Variants in IKZF1 observed in about 807,000 individuals in gnomAD.
IKZF1 encodes DNA-binding protein Ikaros.
A neutral mutation model predicts 51.7 loss-of-function variants in IKZF1; 10 were observed. The ratio of observed to expected loss-of-function variants is 0.19; its 90% CI spans 0.12 to 0.33. The LOEUF (loss-of-function observed/expected upper bound fraction) is 0.33. IKZF1 is among the 10% of genes least tolerant of loss of function. The pLI, the probability that IKZF1 is intolerant of heterozygous loss-of-function variation, is 1.00. For missense variants in IKZF1, 484 were observed against 707.5 expected (o/e 0.68, Z 3.58); for synonymous variants, 280 against 282.3 (o/e 0.99, Z 0.08).
chr7:50,320,535 A>G (rs533005619), intron 2 of IKZF1, among the ~76,000 whole-genome samples: 2 of 152,068 alleles, frequency 1.3e-5, no homozygotes, highest in East Asian at 1.9e-4. Flanking sequence ...TATTCTTCCT[A>G]CCTAGCTGTA....
At chr7:50,334,513 G>GGT (rs1325151461) in intron 3 of IKZF1, among the ~76,000 whole-genome samples, 1 of 151,358 alleles carries the variant, frequency 6.6e-6, no homozygotes, top group South Asian at 2.1e-4. Flanking sequence ...GTATGTGTGT[G>GGT]GTGTGTGTGT....
At chr7:50,384,351 G>A (rs1430345151) in intron 5 of IKZF1, among the ~76,000 whole-genome samples, 2 of 152,186 alleles carry the variant, frequency 1.3e-5, no homozygotes, top group African/African-American at 2.4e-5. Context: ...CCTTCCTGGC[G>A]GTGCACATGG....
intron 3 of IKZF1, among the ~76,000 whole-genome samples, chr7:50,332,172 C>T (rs1796566489): frequency 6.6e-6 from 1 of 152,164 alleles, no homozygotes; most frequent in African/African-American, 2.4e-5. Context: ...AGCAGGGGCT[C>T]TTAAAAGTTT....
intron 6 of IKZF1, among the ~76,000 whole-genome samples, chr7:50,390,107 A>T (rs1447227165): frequency 1.3e-5 from 2 of 152,244 alleles, no homozygotes; most frequent in Non-Finnish European, 2.9e-5. Context: ...AAACAGAGTC[A>T]CCAGCCCTTG....
chr7:50,356,928 C>A (rs999723952), intron 3 of IKZF1, among the ~76,000 whole-genome samples: 1 of 151,646 alleles, frequency 6.6e-6, no homozygotes, highest in East Asian at 1.9e-4. Context: ...GAAGGCCCGA[C>A]TGTCCGGTCT....
At chr7:50,373,745 A>T (rs1264388252) in intron 3 of IKZF1, among the ~76,000 whole-genome samples, 1 of 152,178 alleles carries the variant, frequency 6.6e-6, no homozygotes, top group African/African-American at 2.4e-5. Flanking sequence ...CTGGTGAACA[A>T]GGAGGGCCTA....
At position 50,402,318 on chromosome 7, in the gene IKZF1, C is replaced by T. The variant is rs1818271086; in HGVS notation, c.*1691C>T. The T allele has an allele frequency of 4.3e-6, 1 of 230,710 alleles. No individual in the cohort carries two copies. The highest frequency in any genetic ancestry group is 2.2e-5 in the African/African-American group (1 of 45,172). 14.3% of individuals were successfully genotyped at this position (230,710 alleles called of 1,614,324 possible). A position where few individuals can be genotyped will look rare whatever the true frequency, so the allele number is the denominator to read the frequency against. ...TTTAATCCAAACAGGGGTTCTTAGT[C>T]TCAGCACTATGACATTTTGGGCTGA... On this transcript the variant is annotated 3_prime_UTR_variant, in exon 8 of 8. Transcript: ENST00000331340.
intron 3 of IKZF1, among the ~76,000 whole-genome samples, chr7:50,344,568 A>T (rs904971989): frequency 6.6e-6 from 1 of 152,258 alleles, no homozygotes; most frequent in African/African-American, 2.4e-5. Flanking sequence ...ACTCCTCTGC[A>T]TCAGTGCTAA....
chr7:50,325,994 T>C (rs966631232), intron 2 of IKZF1, among the ~76,000 whole-genome samples: 2 of 152,212 alleles, frequency 1.3e-5, no homozygotes, highest in African/African-American at 2.4e-5. Context: ...ATGCCAATTG[T>C]GGTAATTACA....
intron 7 of IKZF1, among the ~76,000 whole-genome samples, chr7:50,397,926 C>A (rs1400871937): frequency 2.6e-5 from 4 of 152,142 alleles, no homozygotes; most frequent in African/African-American, 9.7e-5. Context: ...GAATGGAAAC[C>A]AGGCTATTAT....
At chr7:50,397,928 GGC>G (rs1817141035) in intron 7 of IKZF1, among the ~76,000 whole-genome samples, 1 of 152,104 alleles carries the variant, frequency 6.6e-6, no homozygotes, top group African/African-American at 2.4e-5. Context: ...ATGGAAACCA[GGC>G]TATTATATGA....
At chr7:50,380,209 C>G (rs559150459) in intron 4 of IKZF1, among the ~76,000 whole-genome samples, 1 of 152,186 alleles carries the variant, frequency 6.6e-6, no homozygotes. Flanking sequence ...TCTCTTAACA[C>G]CCCCATGCCT....
intron 7 of IKZF1, among the ~76,000 whole-genome samples, chr7:50,397,304 G>T (rs1215554417): frequency 6.6e-6 from 1 of 152,116 alleles, no homozygotes; most frequent in Non-Finnish European, 1.5e-5. Flanking sequence ...TTAGCTGATT[G>T]CTGTTAAGAG....
intron 3 of IKZF1, among the ~76,000 whole-genome samples, chr7:50,350,456 C>T (rs1374524285): frequency 1.3e-5 from 2 of 152,144 alleles, no homozygotes; most frequent in African/African-American, 4.8e-5. Context: ...CTGAACCCAC[C>T]CATAACCCAT....
intron 1 of IKZF1, among the ~76,000 whole-genome samples, chr7:50,310,139 A>G (rs1789811155): frequency 6.6e-6 from 1 of 152,238 alleles, no homozygotes; most frequent in Non-Finnish European, 1.5e-5. Flanking sequence ...TAAGGCAATT[A>G]ATTATCATTT....
At chr7:50,309,561 T>C (rs767892778) in intron 1 of IKZF1, among the ~76,000 whole-genome samples, 4 of 152,174 alleles carry the variant, frequency 2.6e-5, no homozygotes, top group Admixed American at 6.5e-5. Context: ...CTTACACATA[T>C]TGAAGTAGAT....
chr7:50,325,679 A>G (rs548425847), intron 2 of IKZF1, among the ~76,000 whole-genome samples: 225 of 152,048 alleles, frequency 1.5e-3, no homozygotes, highest in Non-Finnish European at 2.8e-3. Context: ...GGAGGCTGAG[A>G]CAGGAGAATG....
intron 3 of IKZF1, among the ~76,000 whole-genome samples, chr7:50,362,737 C>A (rs1034958599): frequency 6.6e-6 from 1 of 152,038 alleles, no homozygotes; most frequent in African/African-American, 2.4e-5. Context: ...TTTTTCTCAT[C>A]GTAACAGTGC....
chr7:50,360,142 T>G (rs1804767636), intron 3 of IKZF1, among the ~76,000 whole-genome samples: 2 of 151,954 alleles, frequency 1.3e-5, no homozygotes, highest in Admixed American at 1.3e-4. Context: ...AGGGACCCGT[T>G]GGGCTTCTGG....
Sources: gnomAD v4.1 joint callset for allele counts (sites outside exome capture counted in the v4.1 genomes callset) on GRCh38, gnomAD v4.1.1 for gene constraint, MANE v1.5 for transcripts, NCBI Gene and HGNC (gene_info 2026-07-23, HGNC 2026-07-21) for gene names.